The following KAT5 variants were observed in gnomAD, a reference collection of about 807,000 sequenced individuals.
KAT5 encodes the protein lysine acetyltransferase 5.
KAT5 carries 31 observed loss-of-function variants against 68.1 expected under a neutral mutation model. The observed-to-expected ratio is 0.46, with a 90% CI of 0.34 to 0.61. KAT5 has a LOEUF of 0.61. KAT5 is among the 20% of genes least tolerant of loss of function. KAT5 has a pLI of 0.01. For missense variants in KAT5, 451 were observed against 725.5 expected, an observed-to-expected ratio of 0.62 and a Z score of 4.35; for synonymous variants, 365 against 292.6, an observed-to-expected ratio of 1.25 and a Z score of -2.52.
intron 8 of KAT5, among the ~76,000 whole-genome samples, chr11:65,715,765 AT>A (rs930591899): frequency 1.3e-5 from 2 of 150,700 alleles, no homozygotes; most frequent in African/African-American, 4.9e-5. Context: ...TGTAAAAAAA[AT>A]AAATAAATAA....
At position 65,714,806 on chromosome 11, in the gene KAT5, T is replaced by A; in HGVS notation, c.940-15T>A. ...TCCACGTTGCCCTTGTTCCTGATCC[T>A]CCTCTCTTCCCCAGACCAAGTGTGA... On this transcript the variant is annotated splice_polypyrimidine_tract_variant and intron_variant, in intron 7 of 12. Coordinates refer to ENST00000341318, the MANE Select transcript of KAT5 (RefSeq NM_182710.3). The A allele has an allele frequency of 6.2e-7, 1 of 1,614,138 alleles. No individual in the cohort carries two copies. Among genetic ancestry groups the A allele is most frequent in the Non-Finnish European group, 8.5e-7 (1 of 1,180,012 alleles).
chr11:65,716,993 G>T lies in KAT5; in HGVS notation c.1264+11G>T, dbSNP rs753666987. Reference sequence around the variant, plus strand: ...TGCTGATCGAGTTCAGTGAGTATGTGTGCTGCGGCCAGGGGGTAGTGGACC... The same window carrying T: ...TGCTGATCGAGTTCAGTGAGTATGTTTGCTGCGGCCAGGGGGTAGTGGACC... On this transcript the variant is annotated intron_variant, in intron 10 of 12. Transcript: ENST00000341318. The T allele has an allele frequency of 1.2e-6, 2 of 1,604,614 alleles. No homozygotes were observed. Among genetic ancestry groups the T allele is most frequent in the Admixed American group, 3.3e-5 (2 of 60,012 alleles).
intron 4 of KAT5, 31 bp from the exon 5 acceptor site, chr11:65,713,562 C>G: frequency 6.2e-7 from 1 of 1,614,208 alleles, no homozygotes; most frequent in Non-Finnish European, 8.5e-7. Flanking sequence ...TCTCTACCTT[C>G]TGACCCACCT....
At chr11:65,717,055 CTG>C in intron 10 of KAT5, 73 bp downstream of exon 10, 1 of 1,172,090 alleles carries the variant, frequency 8.5e-7, no homozygotes, top group South Asian at 1.2e-5. Flanking sequence ...GGCCAGGCTA[CTG>C]TGATTCTCAA....
chr11:65,716,918 G>A lies in KAT5; in HGVS notation c.1200G>A (p.Val400=), dbSNP rs763096199. The change falls in exon 10 of 13, where the codon GTG becomes GTA. Residue 400 remains valine, a synonymous_variant. Coordinates refer to ENST00000341318, the MANE Select transcript of KAT5 (RefSeq NM_182710.3). ...AAGAATCAACGGAAGACTACAATGT[G>A]GCCTGCATCCTAACCCTGCCTCCCT... The part of the protein sequence containing the change: ...KEKESTEDYN[V]ACILTLPPYQ... The A allele has an allele frequency of 3.7e-6, 6 of 1,614,124 alleles. No individual in the cohort carries two copies. The South Asian group carries it at 6.6e-5, about 18-fold the overall frequency.
At chr11:65,717,211 A>T in intron 10 of KAT5, 1 of 588,330 alleles carries the variant, frequency 1.7e-6, no homozygotes, top group South Asian at 2.0e-5. Flanking sequence ...CCAGGGTTCT[A>T]AGTGCCACTC....
chr11:65,713,147 G>A (rs1007310897), intron 3 of KAT5, 89 bp downstream of exon 3: 76 of 1,525,680 alleles, frequency 5.0e-5, no homozygotes, highest in Middle Eastern at 2.4e-4. Context: ...GGCAGGAGGC[G>A]GCTCCCTCTC....
chr11:65,712,686 G>C, intron 1 of KAT5, 80 bp from the exon 2 acceptor site: 1 of 1,520,450 alleles, frequency 6.6e-7, no homozygotes, highest in Non-Finnish European at 9.1e-7. Context: ...GATCCGGCCT[G>C]GGGGTGGAGT....
At chr11:65,713,891 G>C in intron 6 of KAT5, 43 bp downstream of exon 6, 1 of 1,503,928 alleles carries the variant, frequency 6.6e-7, no homozygotes, top group Non-Finnish European at 9.1e-7. Flanking sequence ...TGAAAAGGAA[G>C]GGATGCAGGC....
chr11:65,719,094 G>C lies in KAT5; in HGVS notation c.1554G>C (p.Glu518Asp). 1 of 1,614,186 alleles carries C rather than the reference G, an allele frequency of 6.2e-7. No individual in the cohort carries two copies. The highest frequency in any genetic ancestry group is 8.5e-7 in the Non-Finnish European group (1 of 1,180,016). ...TLSEDIVDGH[E>D]RAMLKRLLRI... The stretch of plus-strand genomic sequence containing the variant: ...CAGAGGACATCGTGGATGGCCATGA[G>C]CGGGCCATGCTCAAGCGGCTCCTGC... Residue 518 changes from glutamate (E) to aspartate (D), a missense_variant, in exon 13 of 13, where the codon GAG becomes GAC. Physicochemically the swap from Glu to Asp is conservative, Grantham distance 45. This residue lies in a region of KAT5 where 210 missense variants were observed against 423.7 expected (regional missense o/e 0.50). Transcript: ENST00000341318.
At chr11:65,714,367 T>C in intron 6 of KAT5, 128 bp from the exon 7 acceptor site, 1 of 1,052,266 alleles carries the variant, frequency 9.5e-7, no homozygotes, top group Non-Finnish European at 1.4e-6. Flanking sequence ...ATCTGGAAAT[T>C]GGGGATCATG....
Position 65,718,256 on chromosome 11 carries a change from T to G in KAT5, c.1265-334T>G, listed in dbSNP as rs521678. 204,961 of 231,548 alleles carry G rather than the reference T, an allele frequency of 0.89. 91,111 individuals are homozygous for G. Among genetic ancestry groups the G allele is most frequent in the Non-Finnish European group, 0.92 (107,454 of 116,964 alleles). 14.3% of individuals were successfully genotyped at this position (231,548 alleles called of 1,614,324 possible). A position where few individuals can be genotyped will look rare whatever the true frequency, so the allele number is the denominator to read the frequency against. On this transcript the variant is annotated intron_variant, in intron 10 of 12. Coordinates refer to ENST00000341318, the MANE Select transcript of KAT5 (RefSeq NM_182710.3). ...ACATGGCTAGACACAGAGCCCGGGA[T>G]GGCAAAGGAAAATTGGAGGCCCCTT...
intron 6 of KAT5, 88 bp downstream of exon 6, chr11:65,713,936 TAAA>T (rs1399441834): frequency 1.2e-5 from 14 of 1,213,594 alleles, no homozygotes; most frequent in African/African-American, 4.5e-5. Context: ...AGTTTAAAAA[TAAA>T]GAAGGGGTGG....
At chr11:65,712,899 C>T (rs1048576083) in intron 2 of KAT5, 23 bp from the exon 3 acceptor site, 9 of 1,614,026 alleles carry the variant, frequency 5.6e-6, no homozygotes, top group South Asian at 1.1e-5. Context: ...GCATTCTGTC[C>T]TGAGCCATCC....
chr11:65,712,687 G>A, intron 1 of KAT5, 79 bp from the exon 2 acceptor site: 7 of 1,524,422 alleles, frequency 4.6e-6, no homozygotes, highest in Non-Finnish European at 6.4e-6. Flanking sequence ...ATCCGGCCTG[G>A]GGGTGGAGTT....
chr11:65,713,538 C>T (rs933948576), intron 4 of KAT5, 35 bp downstream of exon 4: 15 of 1,613,980 alleles, frequency 9.3e-6, no homozygotes, highest in South Asian at 2.2e-5. Context: ...TTGCTTTCTT[C>T]TCAGGTCCCA....
chr11:65,712,117 A>G, upstream of KAT5: 1 of 679,378 alleles, frequency 1.5e-6, no homozygotes, highest in Non-Finnish European at 2.3e-6. Flanking sequence ...CCCCCGAGTC[A>G]CAGGGGCAGT....
intron 1 of KAT5, 67 bp downstream of exon 1, chr11:65,712,512 G>C: frequency 2.0e-6 from 3 of 1,532,394 alleles, no homozygotes; most frequent in Non-Finnish European, 2.6e-6. Flanking sequence ...CTGAAATCCC[G>C]GGATGGGGAG....
rs912168849 is a variant in KAT5 at position 65,716,517 on chromosome 11, G to A, written c.1030-150G>A. The A allele has an allele frequency of 8.6e-6, 6 of 700,232 alleles. No individual in the cohort carries two copies. In the Admixed American group the frequency reaches 1.5e-4, roughly 17 times the overall value. The allele number at this position is 700,232 out of a possible 1,614,324, so 43.4% of individuals were successfully genotyped here. A position where few individuals can be genotyped will look rare whatever the true frequency, so the allele number is the denominator to read the frequency against. ...GCAGCCCTGCCTAAGCTGCGGGCTG[G>A]TGGAGTGGGTCAGGCCCAGCCAGGG... On this transcript the variant is annotated intron_variant, in intron 8 of 12. Transcript: ENST00000341318.
Sources: gnomAD v4.1 joint callset for allele counts (sites outside exome capture counted in the v4.1 genomes callset) on GRCh38, gnomAD v4.1.1 for gene constraint, gnomAD v4.1.1 regional missense constraint, MANE v1.5 for transcripts, NCBI Gene and HGNC (gene_info 2026-07-23, HGNC 2026-07-21) for gene names.